The following KMO variants were observed in gnomAD, a reference collection of about 807,000 sequenced individuals.
KMO encodes the protein kynurenine 3-monooxygenase, also known as kynurenine 3-hydroxylase.
Under a neutral mutation model 57.8 loss-of-function variants are expected in KMO, and 24 were observed. The ratio of observed to expected loss-of-function variants is 0.42; its 90% CI spans 0.30 to 0.58. The LOEUF is 0.58. Among genes scored for constraint, KMO ranks in the 20% least tolerant of loss-of-function variants. The probability of loss-of-function intolerance (pLI) is 0.22; values close to 1 mark genes in which losing one functional copy is unlikely to be tolerated. For missense variants in KMO, 483 were observed against 588.2 expected (o/e 0.82, Z 1.85); for synonymous variants, 210 against 193.6 (o/e 1.08, Z -0.70).
intron 10 of KMO, among the ~76,000 whole-genome samples, chr1:241,574,375 C>T (rs1003071009): frequency 2.0e-5 from 3 of 151,958 alleles, no homozygotes; most frequent in African/African-American, 7.2e-5. Flanking sequence ...TTCAGATTTT[C>T]CCCATTCAGT....
chr1:241,572,278 T>G (rs907585307), intron 10 of KMO, among the ~76,000 whole-genome samples: 2 of 152,144 alleles, frequency 1.3e-5, no homozygotes, highest in Non-Finnish European at 2.9e-5. Context: ...TACTTGTTAA[T>G]GGTGGAATTT....
At chr1:241,554,588 G>T (rs1391186127) in intron 4 of KMO, among the ~76,000 whole-genome samples, 1 of 151,034 alleles carries the variant, frequency 6.6e-6, no homozygotes, top group Admixed American at 6.6e-5. Flanking sequence ...TTTTCCTCCT[G>T]ATTTAAAAAT....
intron 1 of KMO, among the ~76,000 whole-genome samples, chr1:241,540,257 C>T (rs55863022): frequency 0.23 from 34,935 of 151,968 alleles, 4,116 homozygotes; most frequent in South Asian, 0.42. Flanking sequence ...AGACAAAATA[C>T]AAGCCATGCA....
intron 2 of KMO, 98 bp downstream of exon 2, chr1:241,548,996 T>A: frequency 1.3e-6 from 1 of 759,016 alleles, no homozygotes; most frequent in South Asian, 1.4e-5. Flanking sequence ...GCCGGGAGTT[T>A]GAGACCAGCC....
Position 241,592,094 on chromosome 1 carries a change from T to G in KMO, c.1402T>G (p.Cys468Gly). 6.2e-7 allele frequency: 1 copy of G among 1,614,018 alleles called. No homozygotes were observed. Among genetic ancestry groups the G allele is most frequent in the Non-Finnish European group, 8.5e-7 (1 of 1,179,960 alleles). The change falls in exon 15 of 15, where the codon TGT becomes GGT. Residue 468 changes from cysteine (C) to glycine (G), a missense_variant. Around this residue, in one of 3 missense-constraint regions of KMO, gnomAD observed 410 missense variants for 492.3 expected, o/e 0.83. Transcript: ENST00000366559. The stretch of plus-strand genomic sequence containing the variant: ...GATAGCTCACTTCCGGAATACAACA[T>G]GTTTCCCCGCAAAGGCCGTGGACTC... The part of the protein sequence containing the change: ...NWIAHFRNTT[C>G]FPAKAVDSLE...
Position 241,594,808 on chromosome 1 carries a change from T to C in KMO, c.*2655T>C, listed in dbSNP as rs1031548056. The stretch of plus-strand genomic sequence containing the variant: ...GTTGTTTTTTGTTTGTTAGCAGGTG[T>C]GGATGTGGGGTTATGTGGTCATGCT... On this transcript the variant is annotated 3_prime_UTR_variant, in exon 15 of 15. Coordinates refer to ENST00000366559, the MANE Select transcript of KMO (RefSeq NM_003679.5). The C allele has an allele frequency of 5.1e-5, 60 of 1,176,018 alleles. No homozygotes were observed. The highest frequency in any genetic ancestry group is 7.0e-5 in the Non-Finnish European group (58 of 833,518). 72.8% of individuals were successfully genotyped at this position (1,176,018 alleles called of 1,614,324 possible).
chr1:241,580,650 A>G (rs891845080), intron 10 of KMO, among the ~76,000 whole-genome samples: 2 of 152,030 alleles, frequency 1.3e-5, no homozygotes, highest in Non-Finnish European at 2.9e-5. Context: ...ATGTGTTTGT[A>G]TAATTTACAA....
intron 1 of KMO, among the ~76,000 whole-genome samples, chr1:241,535,436 A>G (rs1269052918): frequency 6.6e-6 from 1 of 152,152 alleles, no homozygotes; most frequent in African/African-American, 2.4e-5. Context: ...GTGGTAGCTT[A>G]CCATGTCTAG....
At chr1:241,562,432 A>C (rs972977377) in intron 7 of KMO, 100 bp downstream of exon 7, 1 of 1,163,716 alleles carries the variant, frequency 8.6e-7, no homozygotes, top group African/African-American at 1.5e-5. Flanking sequence ...GTCTTGATCC[A>C]TTTTGAGGCC....
At chr1:241,551,568 C>G (rs1424534362) in intron 4 of KMO, among the ~76,000 whole-genome samples, 1 of 152,132 alleles carries the variant, frequency 6.6e-6, no homozygotes, top group Non-Finnish European at 1.5e-5. Flanking sequence ...ACTCATTATC[C>G]TGCTCTGTGC....
intron 1 of KMO, among the ~76,000 whole-genome samples, chr1:241,548,460 C>T (rs1573908290): frequency 6.6e-6 from 1 of 151,858 alleles, no homozygotes; most frequent in African/African-American, 2.4e-5. Flanking sequence ...TGACGCTATT[C>T]TACTTTTTGA....
chr1:241,582,860 T>C (rs1252288499), intron 10 of KMO, among the ~76,000 whole-genome samples: 2 of 152,052 alleles, frequency 1.3e-5, no homozygotes, highest in Non-Finnish European at 2.9e-5. Flanking sequence ...AAGAATTAGG[T>C]GTCTATTTTG....
intron 1 of KMO, among the ~76,000 whole-genome samples, chr1:241,544,855 T>C (rs1247680272): frequency 1.3e-5 from 2 of 152,186 alleles, no homozygotes; most frequent in African/African-American, 4.8e-5. Context: ...ATTTATTATA[T>C]ATTTTTAAAC....
chr1:241,590,139 C>G (rs1251789920), intron 13 of KMO, 26 bp downstream of exon 13: 1 of 1,608,620 alleles, frequency 6.2e-7, no homozygotes, highest in East Asian at 2.2e-5. Flanking sequence ...AAGACTTTTC[C>G]TCATTTTGAT....
At chr1:241,549,370 T>TAGAA (rs575269951) in intron 2 of KMO, among the ~76,000 whole-genome samples, 304 of 148,004 alleles carry the variant, frequency 2.1e-3, no homozygotes, top group African/African-American at 7.3e-3. Context: ...GAAAGAAAGA[T>TAGAA]AGAAAGAAAG....
chr1:241,546,911 C>T (rs116708703), intron 1 of KMO, among the ~76,000 whole-genome samples: 1,901 of 152,172 alleles, frequency 0.012, 42 homozygotes, highest in African/African-American at 0.043. Flanking sequence ...AATATTTGTC[C>T]GTCTTTGCAA....
At chr1:241,573,604 T>C (rs1166800517) in intron 10 of KMO, among the ~76,000 whole-genome samples, 1 of 152,158 alleles carries the variant, frequency 6.6e-6, no homozygotes, top group Non-Finnish European at 1.5e-5. Flanking sequence ...GCTTTATTTC[T>C]GGGTTATCTA....
rs150698500 is a variant in KMO, at chr1:241,564,936, T to C, written c.616-51T>C. On this transcript the variant is annotated intron_variant, in intron 7 of 14. Transcript: ENST00000366559. ...CTATTATAAAGCTGAGTCCGTTTTA[T>C]AGGTTTGCTATATGAATGCACTAAT... 164 of 1,157,102 alleles carry C rather than the reference T, an allele frequency of 1.4e-4. 2 individuals are homozygous for C. The East Asian group carries it at 3.8e-3, about 27-fold the overall frequency. The allele number at this position is 1,157,102 out of a possible 1,614,324, so 71.7% of individuals were successfully genotyped here.
chr1:241,594,743 C>A lies in KMO; in HGVS notation c.*2590C>A. 6.3e-7 allele frequency: 1 copy of A among 1,578,300 alleles called. No individual in the cohort carries two copies. The highest frequency in any genetic ancestry group is 1.2e-5 in the South Asian group (1 of 85,384). On this transcript the variant is annotated 3_prime_UTR_variant, in exon 15 of 15. Transcript: ENST00000366559. ...TATTAAGTAAAAGTTGGGCACTAAT[C>A]TGGATTAACATTCGAGGAAATCAGT...
Sources: gnomAD v4.1 joint callset for allele counts (sites outside exome capture counted in the v4.1 genomes callset) on GRCh38, gnomAD v4.1.1 for gene constraint, gnomAD v4.1.1 regional missense constraint, MANE v1.5 for transcripts, NCBI Gene and HGNC (gene_info 2026-07-23, HGNC 2026-07-21) for gene names.